VPS13B: variants seen among roughly 807,000 people sequenced by gnomAD.
VPS13B encodes vacuolar protein sorting 13 homolog B.
Under a neutral mutation model 426.4 loss-of-function variants are expected in VPS13B, and 285 were observed. The observed-to-expected ratio is 0.67, with a 90% CI of 0.61 to 0.74. VPS13B has a LOEUF of 0.74. VPS13B is among the 30% of genes least tolerant of loss of function. The pLI, the probability that VPS13B is intolerant of heterozygous loss-of-function variation, is 0.00. For synonymous variants in VPS13B, 1,676 were observed against 1,676.4 expected, an observed-to-expected ratio of 1.00 and a Z score of 0.01; for missense variants, 4,537 against 4,782.6, an observed-to-expected ratio of 0.95 and a Z score of 1.51.
intron 35 of VPS13B, among the ~76,000 whole-genome samples, chr8:99,668,428 T>G (rs1348406336): frequency 1.3e-5 from 2 of 152,128 alleles, no homozygotes; most frequent in African/African-American, 4.8e-5. Context: ...ACCTTAAGCT[T>G]TCTTCAAAAA....
chr8:99,125,365 C>A (rs1393305569), intron 8 of VPS13B, among the ~76,000 whole-genome samples: 1 of 152,234 alleles, frequency 6.6e-6, no homozygotes, highest in Non-Finnish European at 1.5e-5. Context: ...CTTCCACATT[C>A]TTCTGCCTGC....
At chr8:99,601,230 A>G (rs968376664) in intron 33 of VPS13B, among the ~76,000 whole-genome samples, 6 of 151,792 alleles carry the variant, frequency 4.0e-5, no homozygotes, top group Non-Finnish European at 5.9e-5. Context: ...ACTCCTACCT[A>G]TGAGTGAGAA....
chr8:99,675,140 C>A (rs558652151), intron 35 of VPS13B, among the ~76,000 whole-genome samples: 2 of 151,892 alleles, frequency 1.3e-5, no homozygotes, highest in African/African-American at 4.8e-5. Flanking sequence ...TTAACTCCCT[C>A]AGCTTTTGTT....
chr8:99,741,868 G>A (rs1248702635), intron 39 of VPS13B, among the ~76,000 whole-genome samples: 16 of 151,936 alleles, frequency 1.1e-4, no homozygotes, highest in East Asian at 1.9e-4. Flanking sequence ...CACAAGAGAA[G>A]GCAGGAAAGA....
chr8:99,641,669 A>G, intron 33 of VPS13B, 142 bp from the exon 34 acceptor site: 2 of 767,264 alleles, frequency 2.6e-6, no homozygotes, highest in South Asian at 2.4e-5. Flanking sequence ...ATGGGCACCT[A>G]TTCTATTTTT....
chr8:99,273,682 T>G (rs6986710), intron 17 of VPS13B, among the ~76,000 whole-genome samples: 125,405 of 151,222 alleles, frequency 0.83, 52,320 homozygotes, highest in South Asian at 0.89. Flanking sequence ...TACTAGGGAG[T>G]CTGAGGAAGG....
chr8:99,705,924 C>T (rs1228239695), intron 36 of VPS13B, among the ~76,000 whole-genome samples: 3 of 152,068 alleles, frequency 2.0e-5, no homozygotes, highest in Non-Finnish European at 4.4e-5. Flanking sequence ...AGAGCGATCT[C>T]ATGTGCTGTG....
At chr8:99,665,706 G>T (rs1034079138) in intron 35 of VPS13B, among the ~76,000 whole-genome samples, 1 of 152,202 alleles carries the variant, frequency 6.6e-6, no homozygotes, top group Non-Finnish European at 1.5e-5. Flanking sequence ...GTACCATGCT[G>T]TTTTGGTTAC....
chr8:99,656,773 T>G (rs1449791), intron 34 of VPS13B, among the ~76,000 whole-genome samples: 7,291 of 152,282 alleles, frequency 0.048, 191 homozygotes, highest in African/African-American at 0.065. Flanking sequence ...TGACTCATGT[T>G]ATATTTTCTA....
At chr8:99,502,670 T>G (rs1821306516) in intron 26 of VPS13B, among the ~76,000 whole-genome samples, 166 bp from the exon 27 acceptor site, 1 of 152,236 alleles carries the variant, frequency 6.6e-6, no homozygotes, top group Non-Finnish European at 1.5e-5. Flanking sequence ...ATGTCTTATC[T>G]TAATAAACAG....
intron 33 of VPS13B, among the ~76,000 whole-genome samples, chr8:99,587,122 T>G (rs566923374): frequency 6.6e-6 from 1 of 152,312 alleles, no homozygotes; most frequent in Admixed American, 6.5e-5. Context: ...GGTTTCCAGC[T>G]TCATCCATGT....
intron 3 of VPS13B, among the ~76,000 whole-genome samples, chr8:99,051,271 A>G (rs1843536511): frequency 6.6e-6 from 1 of 152,180 alleles, no homozygotes; most frequent in Non-Finnish European, 1.5e-5. Flanking sequence ...TCCCAGCACC[A>G]TTTATTAAAT....
chr8:99,303,730 CAAA>C (rs58708195), intron 19 of VPS13B, among the ~76,000 whole-genome samples: 5 of 63,714 alleles, frequency 7.8e-5, no homozygotes, highest in African/African-American at 3.5e-4. Context: ...GACTCCGTCT[CAAA>C]AAAAAAAAAA....
At chr8:99,127,723 T>C (rs1345035474) in intron 8 of VPS13B, among the ~76,000 whole-genome samples, 2 of 152,188 alleles carry the variant, frequency 1.3e-5, no homozygotes, top group Admixed American at 1.3e-4. Context: ...TACTCATATT[T>C]ATTGTATTAG....
rs201801811 is a variant in VPS13B, at chr8:99,823,874, C to T, written c.9226C>T (p.Gln3076Ter). 6 of 1,613,396 alleles carry T rather than the reference C, an allele frequency of 3.7e-6. No homozygotes were observed. The highest frequency in any genetic ancestry group is 4.2e-6 in the Non-Finnish European group (5 of 1,179,762). Reference protein sequence around the residue: ...CISSMVQQGIQIIQIEDKTTI... With the variant: ...CISSMVQQGI ...TTCCTCCATGGTACAGCAAGGTATA[C>T]AAATTATTCAGATTGAAGACAAGAC... is the stretch of plus-strand genomic sequence containing the variant. Residue 3076 changes from glutamine (Q) to a stop codon, truncating the protein, a stop_gained, in exon 51 of 62, where the codon CAA (glutamine) becomes TAA (stop). Transcript: ENST00000357162. LOFTEE classifies it high-confidence loss of function.
intron 24 of VPS13B, among the ~76,000 whole-genome samples, chr8:99,480,198 G>C (rs1404015702): frequency 6.6e-6 from 1 of 152,088 alleles, no homozygotes; most frequent in East Asian, 1.9e-4. Context: ...TTAAACCTCT[G>C]AATTTGGAAA....
intron 33 of VPS13B, among the ~76,000 whole-genome samples, chr8:99,627,429 T>C (rs1828658618): frequency 6.6e-6 from 1 of 152,094 alleles, no homozygotes; most frequent in African/African-American, 2.4e-5. Flanking sequence ...TTTATTTATT[T>C]ATTTGAGGTG....
chr8:99,312,741 C>T (rs1047092830), intron 19 of VPS13B, among the ~76,000 whole-genome samples: 16 of 152,184 alleles, frequency 1.1e-4, no homozygotes, highest in East Asian at 3.9e-4. Flanking sequence ...GGAAGTTCTC[C>T]GGATAATATC....
intron 30 of VPS13B, among the ~76,000 whole-genome samples, chr8:99,555,240 A>C (rs1211442528): frequency 6.6e-6 from 1 of 152,112 alleles, no homozygotes; most frequent in East Asian, 1.9e-4. Context: ...CTGAGCAGTC[A>C]TTCACTGTCC....
Sources: gnomAD v4.1 joint callset for allele counts (sites outside exome capture counted in the v4.1 genomes callset) on GRCh38, gnomAD v4.1.1 for gene constraint, MANE v1.5 for transcripts, NCBI Gene and HGNC (gene_info 2026-07-23, HGNC 2026-07-21) for gene names.